KDR: variants seen among roughly 807,000 people sequenced by gnomAD.
KDR encodes vascular endothelial growth factor receptor 2.
Under a neutral mutation model 160.9 loss-of-function variants are expected in KDR, and 43 were observed. The ratio of observed to expected loss-of-function variants is 0.27; its 90% CI spans 0.21 to 0.34. KDR has a LOEUF of 0.34. Ranked by LOEUF, KDR falls within the 10% of genes least tolerant of loss-of-function variation. The pLI is 1.00. For missense variants in KDR, 1,469 were observed against 1,666.4 expected (o/e 0.88, Z 2.06); for synonymous variants, 617 against 600.1 (o/e 1.03, Z -0.41).
chr4:55,085,666 G>C (rs1157261966), intron 27 of KDR, among the ~76,000 whole-genome samples: 1 of 152,214 alleles, frequency 6.6e-6, no homozygotes, highest in Admixed American at 6.5e-5. Flanking sequence ...AGGTGGAGAG[G>C]AGATGCAGAC....
chr4:55,121,132 TGTAA>T lies in KDR; in HGVS notation c.122_125del (p.Leu41GlnfsTer35). 1 of 1,613,652 alleles carries T rather than the reference TGTAA, an allele frequency of 6.2e-7. No individual in the cohort carries two copies. Among genetic ancestry groups the T allele is most frequent in the Non-Finnish European group, 8.5e-7 (1 of 1,179,612 alleles). On this transcript the variant is annotated frameshift_variant, in exon 2 of 30. Transcript: ENST00000263923. LOFTEE classifies it high-confidence loss of function. ...TTTGAAGAGTTGTATTAGCCTTAATTGTAAGTATGTCTTTTTGTATGCTGAGCCT... is the reference window on the plus strand; with the variant it reads ...TTTGAAGAGTTGTATTAGCCTTAATTGTATGTCTTTTTGTATGCTGAGCCT...
intron 21 of KDR, 108 bp downstream of exon 21, chr4:55,094,694 A>G (rs923763872): frequency 2.0e-6 from 2 of 1,012,936 alleles, no homozygotes; most frequent in South Asian, 2.6e-5. Context: ...CTTTCAAATT[A>G]TGAGGTAGTA....
intron 2 of KDR, 24 bp downstream of exon 2, chr4:55,121,073 T>C (rs1208641776): frequency 6.7e-7 from 1 of 1,493,038 alleles, no homozygotes; most frequent in East Asian, 2.3e-5. Context: ...ACACAAGAAA[T>C]CTAGATCTAG....
intron 18 of KDR, chr4:55,096,595 G>A: frequency 1.9e-6 from 1 of 525,166 alleles, no homozygotes; most frequent in Non-Finnish European, 3.4e-6. Context: ...CTTTTGCAAA[G>A]CGGAGAATAC....
chr4:55,101,267 A>ATT (rs969888508), intron 15 of KDR, among the ~76,000 whole-genome samples: 22 of 152,322 alleles, frequency 1.4e-4, no homozygotes, highest in African/African-American at 4.8e-4. Context: ...CTGATTAAGA[A>ATT]TTTTTCCACA....
In KDR at chr4:55,125,403, C is replaced by T. The variant is rs1406958152; in HGVS notation, c.-110G>A. 5.8e-6 allele frequency: 8 copies of T among 1,379,860 alleles called. No homozygotes were observed. The highest frequency in any genetic ancestry group is 8.0e-6 in the Non-Finnish European group (8 of 1,003,674). 85.5% of individuals were successfully genotyped at this position (1,379,860 alleles called of 1,614,324 possible). On this transcript the variant is annotated 5_prime_UTR_variant, in exon 1 of 30. Transcript: ENST00000263923. ...GTGGAACTCGCGGCACCCCGCAGCG[C>T]AGGACAGTTGAGCGCACAGGGCTAG...
rs1720794002 is a variant in KDR, at chr4:55,118,742, C to T, written c.220G>A (p.Val74Met). ...PNNQSGSEQR[V>M]EVTECSDGLF... ...CCATCGCTGCACTCAGTCACCTCCA[C>T]CCTTTGCTCACTGCCACTCTGATTA... Residue 74 changes from valine to methionine, a missense_variant, in exon 3 of 30, where the codon GTG becomes ATG. Val to Met is a conservative substitution (Grantham distance 21). This residue lies in a region of KDR where 792 missense variants were observed against 840.9 expected (regional missense o/e 0.94). Coordinates refer to ENST00000263923, the MANE Select transcript of KDR (RefSeq NM_002253.4). 6.2e-7 allele frequency: 1 copy of T among 1,614,066 alleles called. No individual in the cohort carries two copies. The highest frequency in any genetic ancestry group is 1.1e-5 in the South Asian group (1 of 91,092).
Position 55,107,746 on chromosome 4 carries a change from T to C in KDR, c.1403A>G (p.Asn468Ser), listed in dbSNP as rs997496217. 6.2e-6 allele frequency: 10 copies of C among 1,613,908 alleles called. No individual in the cohort carries two copies. In the Middle Eastern group the frequency reaches 6.6e-4, roughly 106 times the overall value. ...ATGTGGCCTTACTCACCTGGGCTCG[T>C]TGGCGCACTCTTCCTCCAACTGCCA... ...WYWQLEEECA[N>S]EPSQAVSVTN... Residue 468 changes from asparagine to serine, a missense_variant, in exon 10 of 30, where the codon AAC (asparagine) becomes AGC (serine). By Grantham distance (46) the Asn-to-Ser change is conservative (BLOSUM62 1). This residue lies in a region of KDR where 792 missense variants were observed against 840.9 expected (regional missense o/e 0.94). Coordinates refer to ENST00000263923, the MANE Select transcript of KDR (RefSeq NM_002253.4).
intron 2 of KDR, among the ~76,000 whole-genome samples, chr4:55,119,197 A>G (rs1423325069): frequency 6.9e-6 from 1 of 145,188 alleles, no homozygotes; most frequent in African/African-American, 2.6e-5. Flanking sequence ...CAAGAGGGCA[A>G]CCCTGCCTCA....
chr4:55,113,013 G>A (rs190686356), intron 7 of KDR, among the ~76,000 whole-genome samples: 2 of 152,278 alleles, frequency 1.3e-5, no homozygotes, highest in African/African-American at 4.8e-5. Context: ...AACTACCTTA[G>A]CTAATACTAT....
At chr4:55,103,345 G>A (rs1279329898) in intron 13 of KDR, among the ~76,000 whole-genome samples, 1 of 152,172 alleles carries the variant, frequency 6.6e-6, no homozygotes, top group Non-Finnish European at 1.5e-5. Flanking sequence ...AGCAAAATGA[G>A]ATTACCTCAA....
chr4:55,097,823 G>T, intron 17 of KDR, 57 bp from the exon 18 acceptor site: 1 of 1,207,170 alleles, frequency 8.3e-7, no homozygotes, highest in Non-Finnish European at 1.2e-6. Flanking sequence ...TACAACCAAA[G>T]TGATACGCAG....
chr4:55,106,530 A>G (rs1720448638), intron 11 of KDR, among the ~76,000 whole-genome samples, 157 bp downstream of exon 11: 1 of 152,206 alleles, frequency 6.6e-6, no homozygotes, highest in East Asian at 1.9e-4. Context: ...AGTTAATGGT[A>G]CTGCTAAAAG....
At chr4:55,112,793 G>A (rs991473039) in intron 7 of KDR, among the ~76,000 whole-genome samples, 3 of 152,126 alleles carry the variant, frequency 2.0e-5, no homozygotes, top group Admixed American at 2.0e-4. Flanking sequence ...GACTCCCAAA[G>A]TGTTGGGATT....
At chr4:55,112,503 A>C (rs1231254119) in intron 7 of KDR, among the ~76,000 whole-genome samples, 1 of 151,212 alleles carries the variant, frequency 6.6e-6, no homozygotes, top group Non-Finnish European at 1.5e-5. Context: ...TGTTTTGTGG[A>C]AGTCAAAAGT....
In KDR at chr4:55,125,582, T is replaced by A; in HGVS notation, c.-289A>T. 1.8e-6 allele frequency: 1 copy of A among 565,620 alleles called. No individual in the cohort carries two copies. The allele number at this position is 565,620 out of a possible 1,614,324, so 35.0% of individuals were successfully genotyped here. A position where few individuals can be genotyped will look rare whatever the true frequency, so the allele number is the denominator to read the frequency against. ...CCACACATTGACCGCTCTCCCGGGGTCCCGGGACTCAGTGCAGGGTGGGAG... is the reference window on the plus strand; with the variant it reads ...CCACACATTGACCGCTCTCCCGGGGACCCGGGACTCAGTGCAGGGTGGGAG... On this transcript the variant is annotated 5_prime_UTR_variant, in exon 1 of 30. Coordinates refer to ENST00000263923, the MANE Select transcript of KDR (RefSeq NM_002253.4).
chr4:55,097,863 T>G, intron 17 of KDR, 97 bp from the exon 18 acceptor site: 1 of 917,706 alleles, frequency 1.1e-6, no homozygotes, highest in East Asian at 2.4e-5. Flanking sequence ...TGACCATACA[T>G]CCCAATTTAA....
At chr4:55,085,736 C>T (rs1338017293) in intron 27 of KDR, among the ~76,000 whole-genome samples, 1 of 152,182 alleles carries the variant, frequency 6.6e-6, no homozygotes, top group African/African-American at 2.4e-5. Context: ...AGAAACTGGG[C>T]TGGAAAAACC....
intron 2 of KDR, among the ~76,000 whole-genome samples, 180 bp from the exon 3 acceptor site, chr4:55,118,980 G>A (rs1484951394): frequency 6.6e-5 from 10 of 152,132 alleles, no homozygotes; most frequent in African/African-American, 2.2e-4. Flanking sequence ...AGGCCAAGGC[G>A]GATGGATCAC....
Sources: gnomAD v4.1 joint callset for allele counts (sites outside exome capture counted in the v4.1 genomes callset) on GRCh38, gnomAD v4.1.1 for gene constraint, gnomAD v4.1.1 regional missense constraint, MANE v1.5 for transcripts, NCBI Gene and HGNC (gene_info 2026-07-23, HGNC 2026-07-21) for gene names.